Variants in STX8 observed in about 807,000 individuals in gnomAD.
STX8 encodes syntaxin 8.
STX8 carries 23 observed loss-of-function variants against 37.5 expected under a neutral mutation model. The ratio of observed to expected loss-of-function variants is 0.61; its 90% CI spans 0.44 to 0.87. STX8 has a LOEUF of 0.87. Among genes scored for constraint, STX8 ranks in the 40% least tolerant of loss-of-function variants. STX8 has a pLI of 0.00. For synonymous variants in STX8, 115 were observed against 99.1 expected (o/e 1.16, Z -0.95); for missense variants, 313 against 284.7 (o/e 1.10, Z -0.71).
At chr17:9,545,562 C>T (rs9910604) in intron 3 of STX8, among the ~76,000 whole-genome samples, 34,026 of 152,002 alleles carry the variant, frequency 0.22, 3,843 homozygotes, top group South Asian at 0.32. Context: ...GTAAATATTA[C>T]TTTCCTCCCC....
intron 1 of STX8, among the ~76,000 whole-genome samples, chr17:9,572,985 G>C: frequency 6.6e-6 from 1 of 151,986 alleles, no homozygotes; most frequent in South Asian, 2.1e-4. Context: ...TTTCCTACTT[G>C]ATTTGTAAAC....
chr17:9,515,128 T>C (rs1905126292), intron 4 of STX8, among the ~76,000 whole-genome samples: 1 of 152,222 alleles, frequency 6.6e-6, no homozygotes, highest in South Asian at 2.1e-4. Flanking sequence ...GTTTGCATTC[T>C]GGTGGGATGA....
intron 4 of STX8, among the ~76,000 whole-genome samples, chr17:9,510,224 T>C (rs1904978712): frequency 6.6e-6 from 1 of 152,148 alleles, no homozygotes; most frequent in Non-Finnish European, 1.5e-5. Flanking sequence ...GGACAGATCA[T>C]TCAGACAGAA....
At position 9,314,966 on chromosome 17, in the gene STX8, G is replaced by T. The variant is rs536568537; in HGVS notation, c.643+63586C>A. Among the ~76,000 whole-genome samples, 13 of 151,556 alleles carry T rather than the reference G, an allele frequency of 8.6e-5. No homozygotes were observed. In the South Asian group the frequency reaches 2.7e-3, roughly 32 times the overall value. On this transcript the variant is annotated intron_variant, in intron 7 of 7. Coordinates refer to ENST00000306357, the MANE Select transcript of STX8 (RefSeq NM_004853.3). ...AAAATACGAACATTAGCCAGTCGTG[G>T]TGGCATGCACCTGTAGTCCCAGCTA...
At chr17:9,342,044 C>A (rs539311764) in intron 7 of STX8, among the ~76,000 whole-genome samples, 1 of 152,184 alleles carries the variant, frequency 6.6e-6, no homozygotes, top group South Asian at 2.1e-4. Flanking sequence ...AATTTTTCCA[C>A]GGCCTGGAGG....
intron 6 of STX8, among the ~76,000 whole-genome samples, chr17:9,399,663 C>T (rs1447964915): frequency 3.3e-5 from 5 of 151,982 alleles, no homozygotes; most frequent in South Asian, 2.1e-4. Flanking sequence ...GTCAAGAGTT[C>T]GAGACCAGCC....
intron 7 of STX8, among the ~76,000 whole-genome samples, chr17:9,353,502 TC>T (rs1312769860): frequency 6.6e-6 from 1 of 152,196 alleles, no homozygotes; most frequent in East Asian, 1.9e-4. Context: ...CCATGATACT[TC>T]CAATTCAAAC....
At chr17:9,466,085 C>T (rs1376975375) in intron 6 of STX8, among the ~76,000 whole-genome samples, 4 of 152,098 alleles carry the variant, frequency 2.6e-5, no homozygotes, top group Non-Finnish European at 5.9e-5. Context: ...ATTCTCCTGC[C>T]TCAGCCTCCC....
chr17:9,275,124 G>A (rs1907624850), intron 7 of STX8, among the ~76,000 whole-genome samples: 1 of 152,004 alleles, frequency 6.6e-6, no homozygotes, highest in Admixed American at 6.5e-5. Context: ...TCAAGTTAAG[G>A]GTCTCTTTAC....
intron 6 of STX8, among the ~76,000 whole-genome samples, chr17:9,458,383 T>C (rs1905247481): frequency 6.6e-6 from 1 of 152,146 alleles, no homozygotes; most frequent in Non-Finnish European, 1.5e-5. Flanking sequence ...TCTCCTGACT[T>C]CGTGATCCGC....
intron 6 of STX8, among the ~76,000 whole-genome samples, chr17:9,408,291 G>T (rs1157817476): frequency 6.6e-6 from 1 of 152,162 alleles, no homozygotes; most frequent in East Asian, 1.9e-4. Flanking sequence ...TCAGAAGGGT[G>T]TAAGCGTTGG....
chr17:9,326,256 G>A (rs908185908), intron 7 of STX8, among the ~76,000 whole-genome samples: 2 of 151,792 alleles, frequency 1.3e-5, no homozygotes, highest in Non-Finnish European at 2.9e-5. Context: ...TCAGCCTGCC[G>A]AGTAGCTAGG....
chr17:9,370,787 C>T (rs1173845496), intron 7 of STX8, among the ~76,000 whole-genome samples: 1 of 152,114 alleles, frequency 6.6e-6, no homozygotes, highest in African/African-American at 2.4e-5. Context: ...TAATGAGGAC[C>T]AAGCACACTG....
At chr17:9,269,441 A>T (rs114387182) in intron 7 of STX8, among the ~76,000 whole-genome samples, 2,015 of 152,322 alleles carry the variant, frequency 0.013, 31 homozygotes, top group African/African-American at 0.046. Flanking sequence ...GTTCAAGCCT[A>T]TACCAGGGAC....
intron 7 of STX8, among the ~76,000 whole-genome samples, chr17:9,339,978 C>T (rs765087473): frequency 2.6e-5 from 4 of 152,208 alleles, no homozygotes; most frequent in African/African-American, 7.2e-5. Context: ...CTCTCTCCTG[C>T]TGGACTTTAA....
intron 6 of STX8, among the ~76,000 whole-genome samples, chr17:9,428,333 C>T (rs542837365): frequency 3.9e-5 from 6 of 152,274 alleles, no homozygotes; most frequent in African/African-American, 7.2e-5. Flanking sequence ...CTCCGCCTCC[C>T]GGGTTCATGC....
intron 6 of STX8, among the ~76,000 whole-genome samples, chr17:9,449,205 T>C (rs552043685): frequency 2.0e-5 from 3 of 152,330 alleles, no homozygotes; most frequent in Non-Finnish European, 4.4e-5. Flanking sequence ...TACCCATCTG[T>C]AGTGGCTTTA....
intron 7 of STX8, among the ~76,000 whole-genome samples, chr17:9,339,574 A>T (rs1008360476): frequency 2.1e-4 from 32 of 152,146 alleles, no homozygotes; most frequent in African/African-American, 7.7e-4. Flanking sequence ...GAATTCCTTG[A>T]ACCCAGGAGG....
At chr17:9,290,160 C>T (rs1329742049) in intron 7 of STX8, among the ~76,000 whole-genome samples, 1 of 152,182 alleles carries the variant, frequency 6.6e-6, no homozygotes, top group Non-Finnish European at 1.5e-5. Flanking sequence ...AAAGTACCTT[C>T]CTTTGGAGAG....
Sources: gnomAD v4.1 joint callset for allele counts (sites outside exome capture counted in the v4.1 genomes callset) on GRCh38, gnomAD v4.1.1 for gene constraint, MANE v1.5 for transcripts, NCBI Gene and HGNC (gene_info 2026-07-23, HGNC 2026-07-21) for gene names.